Variants in MOB1B observed in about 807,000 individuals in gnomAD.
MOB1B encodes MOB1 Mps One Binder homolog B.
A neutral mutation model predicts 24.4 loss-of-function variants in MOB1B; 19 were observed. The ratio of observed to expected loss-of-function variants is 0.78; its 90% confidence interval spans 0.54 to 1.14. The LOEUF is 1.14. MOB1B is among the 50% of genes most tolerant of loss of function. The probability of loss-of-function intolerance (pLI) is 0.00; values close to 1 mark genes in which losing one functional copy is unlikely to be tolerated. For missense variants in MOB1B, 243 were observed against 259.6 expected, an observed-to-expected ratio of 0.94 and a Z score of 0.44; for synonymous variants, 76 against 82.1, an observed-to-expected ratio of 0.93 and a Z score of 0.40.
chr4:70,947,250 C>G (rs189130907), intron 1 of MOB1B, among the ~76,000 whole-genome samples: 12 of 152,142 alleles, frequency 7.9e-5, no homozygotes, highest in African/African-American at 2.7e-4. Flanking sequence ...GATCAAGACA[C>G]TGGGTCTTCT....
chr4:70,958,314 G>A (rs1001788149), intron 1 of MOB1B, among the ~76,000 whole-genome samples: 97 of 151,742 alleles, frequency 6.4e-4, no homozygotes, highest in Non-Finnish European at 1.6e-4. Context: ...ACAAGGACCC[G>A]CCACCATGCC....
At chr4:70,943,987 A>T (rs1323079283) in intron 1 of MOB1B, among the ~76,000 whole-genome samples, 2 of 152,258 alleles carry the variant, frequency 1.3e-5, no homozygotes, top group Non-Finnish European at 2.9e-5. Flanking sequence ...TTAATAACAC[A>T]AGGTTAGTTA....
chr4:70,902,863 T>G (rs995017097), intron 1 of MOB1B, among the ~76,000 whole-genome samples: 1 of 152,218 alleles, frequency 6.6e-6, no homozygotes, highest in Non-Finnish European at 1.5e-5. Context: ...ATTCCCGGGC[T>G]TGTTTGTGCG....
Position 70,935,778 on chromosome 4 carries a change from C to T in MOB1B, c.15-23096C>T, listed in dbSNP as rs548002753. ...GCAACTTCTGCCTCCTGAGCTTAGG[C>T]GATTCTCCCACCTCAAGCCTCTGGA... On this transcript the variant is annotated intron_variant, in intron 1 of 5. Transcript: ENST00000309395. Among the ~76,000 whole-genome samples, 247 of 151,406 alleles carry T rather than the reference C, an allele frequency of 1.6e-3. 1 individual carries two copies. Among genetic ancestry groups the T allele is most frequent in the African/African-American group, 5.7e-3 (234 of 41,238 alleles).
At chr4:70,908,833 T>G (rs2148866223) in intron 1 of MOB1B, among the ~76,000 whole-genome samples, 1 of 148,300 alleles carries the variant, frequency 6.7e-6, no homozygotes, top group Admixed American at 6.8e-5. Flanking sequence ...GGGTGGATCA[T>G]GAGGTCAGGA....
At position 70,950,516 on chromosome 4, in the gene MOB1B, C is replaced by T. The variant is rs535638051; in HGVS notation, c.15-8358C>T. ...CTCCTTAATTTACCACTTTTATAAT[C>T]TTGAGCAGAGTATGTAAGTACTTTA... On this transcript the variant is annotated intron_variant, in intron 1 of 5. Transcript: ENST00000309395. Among the ~76,000 whole-genome samples the T allele has an allele frequency of 3.2e-3, 486 of 150,006 alleles. 1 individual carries two copies. The highest frequency in any genetic ancestry group is 7.0e-3 in the Middle Eastern group (2 of 286).
chr4:70,964,843 T>A (rs1365849142), intron 2 of MOB1B, among the ~76,000 whole-genome samples: 1 of 150,868 alleles, frequency 6.6e-6, no homozygotes, highest in Non-Finnish European at 1.5e-5. Context: ...GGCAGGAAAA[T>A]TGCTTGAACC....
rs750809076 is a variant in MOB1B at position 70,957,434 on chromosome 4, C to CTT, written c.15-1426_15-1425dup. Among the ~76,000 whole-genome samples, 81 of 141,882 alleles carry CTT rather than the reference C, an allele frequency of 5.7e-4. 2 individuals carry two copies. In the East Asian group the frequency reaches 0.012, roughly 22 times the overall value. The allele number at this position is 141,882 out of a possible 152,430, so 93.1% of individuals were successfully genotyped here. On this transcript the variant is annotated intron_variant, in intron 1 of 5. Coordinates refer to ENST00000309395, the MANE Select transcript of MOB1B (RefSeq NM_173468.4). ...TTTAAAAATCGCTCGCTCTCTCTCT[C>CTT]TTTTTTTTTTTTTTTAAAGAGGCAG...
intron 1 of MOB1B, among the ~76,000 whole-genome samples, chr4:70,956,849 T>TTA (rs1738074773): frequency 6.6e-6 from 1 of 152,180 alleles, no homozygotes; most frequent in Non-Finnish European, 1.5e-5. Context: ...ATGAGAATGC[T>TTA]AGTACTTTAG....
chr4:70,956,671 C>T (rs1412407814), intron 1 of MOB1B, among the ~76,000 whole-genome samples: 1 of 152,114 alleles, frequency 6.6e-6, no homozygotes, highest in Non-Finnish European at 1.5e-5. Flanking sequence ...CTGCCCGCCT[C>T]GACCTCCCAA....
At chr4:70,941,856 G>T (rs1264760704) in intron 1 of MOB1B, among the ~76,000 whole-genome samples, 1 of 152,084 alleles carries the variant, frequency 6.6e-6, no homozygotes, top group Non-Finnish European at 1.5e-5. Flanking sequence ...AAACTGGACC[G>T]AGATACTTCA....
At position 70,979,417 on chromosome 4, in the gene MOB1B, A is replaced by T. The variant is rs1007302434; in HGVS notation, c.573+126A>T. The T allele has an allele frequency of 6.0e-6, 4 of 661,940 alleles. No homozygotes were observed. In the African/African-American group the frequency reaches 7.3e-5, roughly 12 times the overall value. 41.0% of individuals were successfully genotyped at this position (661,940 alleles called of 1,614,324 possible). On this transcript the variant is annotated intron_variant, in intron 5 of 5. Transcript: ENST00000309395. ...ATCTCTGTAGTCTGCATCCTCTTCTACAGTTTTCCATGATGATAAGGACTG... is the reference window on the plus strand; with the variant it reads ...ATCTCTGTAGTCTGCATCCTCTTCTTCAGTTTTCCATGATGATAAGGACTG...
In MOB1B at chr4:70,933,270, C is replaced by T. The variant is rs79079709; in HGVS notation, c.15-25604C>T. Among the ~76,000 whole-genome samples the T allele has an allele frequency of 3.1e-4, 47 of 152,244 alleles. No individual in the cohort carries two copies. In the East Asian group the frequency reaches 7.0e-3, roughly 23 times the overall value. On this transcript the variant is annotated intron_variant, in intron 1 of 5. Transcript: ENST00000309395. ...ATCCCCATGATCCAATTACCTCCCA[C>T]CACGCCCCTCCTCCAACACTAAGAC...
rs576881034 is a variant in MOB1B, at chr4:70,919,313, A to AT, written c.14+16765dup. Among the ~76,000 whole-genome samples the AT allele has an allele frequency of 3.2e-3, 478 of 150,922 alleles. 2 individuals are homozygous for AT. Among genetic ancestry groups the AT allele is most frequent in the African/African-American group, 0.011 (466 of 40,844 alleles). ...CCCTAAAACTTAAAGTGTAATAATAATTAAAAAAAAAAAAAGACAATTTTG... is the reference window on the plus strand; with the variant it reads ...CCCTAAAACTTAAAGTGTAATAATAATTTAAAAAAAAAAAAAGACAATTTTG... On this transcript the variant is annotated intron_variant, in intron 1 of 5. Transcript: ENST00000309395.
At chr4:70,927,264 C>T (rs1317712476) in intron 1 of MOB1B, among the ~76,000 whole-genome samples, 5 of 152,004 alleles carry the variant, frequency 3.3e-5, no homozygotes, top group African/African-American at 9.7e-5. Flanking sequence ...GTCAGCCAGG[C>T]GCAGTGGCTC....
chr4:70,984,693 GT>G lies in MOB1B; in HGVS notation c.*2640del, dbSNP rs1335166576. 2.6e-5 allele frequency: 4 copies of G among 152,260 alleles called. No individual in the cohort carries two copies. The highest frequency in any genetic ancestry group is 4.4e-5 in the Non-Finnish European group (3 of 67,992). The allele number at this position is 152,260 out of a possible 1,614,324, so 9.4% of individuals were successfully genotyped here. On this transcript the variant is annotated 3_prime_UTR_variant, in exon 6 of 6. Transcript: ENST00000309395. ...TGGTTAAATGTTGATACGAAGCAAT[GT>G]TTTGGAATTACTTTAATTGATGGAG...
Position 70,906,373 on chromosome 4 carries a change from T to A in MOB1B, c.14+3823T>A, listed in dbSNP as rs1003947248. On this transcript the variant is annotated intron_variant, in intron 1 of 5. Coordinates refer to ENST00000309395, the MANE Select transcript of MOB1B (RefSeq NM_173468.4). Reference sequence around the variant, plus strand: ...GCCTGGACGACAGAGTGAGACCGTCTCAAAAAAAGAAAAAAAATCACTGTG... The same window carrying A: ...GCCTGGACGACAGAGTGAGACCGTCACAAAAAAAGAAAAAAAATCACTGTG... 3.3e-5 allele frequency among the ~76,000 whole-genome samples: 5 copies of A among 151,908 alleles called. No individual in the cohort carries two copies. The East Asian group carries it at 9.7e-4, about 29-fold the overall frequency.
upstream of MOB1B, among the ~76,000 whole-genome samples, chr4:70,901,954 A>C (rs1270488948): frequency 6.6e-6 from 1 of 151,048 alleles, no homozygotes; most frequent in Non-Finnish European, 1.5e-5. Context: ...ATTACCTTTC[A>C]CCGCCCTTGG....
intron 1 of MOB1B, among the ~76,000 whole-genome samples, chr4:70,903,682 T>C (rs1000603568): frequency 6.6e-6 from 1 of 152,232 alleles, no homozygotes; most frequent in Non-Finnish European, 1.5e-5. Flanking sequence ...AGTCATTACA[T>C]TGACGTCTGA....
Sources: allele counts gnomAD v4.1 joint callset (sites outside exome capture counted in the v4.1 genomes callset), GRCh38; gene constraint gnomAD v4.1.1; transcripts MANE v1.5; gene names NCBI Gene and HGNC (gene_info 2026-07-23, HGNC 2026-07-21).